RYR2: variants seen among roughly 807,000 people sequenced by gnomAD.
RYR2 encodes the protein cardiac muscle ryanodine receptor-calcium release channel.
RYR2 carries 227 observed loss-of-function variants against 601.1 expected under a neutral mutation model. The ratio of observed to expected loss-of-function variants is 0.38; its 90% CI spans 0.34 to 0.42. The LOEUF is 0.42. RYR2 is among the 10% of genes least tolerant of loss of function. RYR2 has a pLI of 1.00. For synonymous variants in RYR2, 2,223 were observed against 2,175.1 expected (o/e 1.02, Z -0.61); for missense variants, 4,646 against 6,156.5 (o/e 0.75, Z 8.21).
intron 80 of RYR2, among the ~76,000 whole-genome samples, chr1:237,746,486 G>A (rs1692088027): frequency 6.6e-6 from 1 of 151,968 alleles, no homozygotes; most frequent in Non-Finnish European, 1.5e-5. Context: ...CAAAAAACAT[G>A]GAAAACAAGG....
At chr1:237,267,572 A>C (rs559957935) in intron 1 of RYR2, 1 of 287,336 alleles carries the variant, frequency 3.5e-6, no homozygotes, top group South Asian at 2.6e-5. Context: ...TATATTTCTT[A>C]GGATCCATAT....
chr1:237,689,757 G>T (rs1178239938), intron 63 of RYR2, among the ~76,000 whole-genome samples: 1 of 151,458 alleles, frequency 6.6e-6, no homozygotes, highest in Non-Finnish European at 1.5e-5. Flanking sequence ...AATTTGCTTT[G>T]ATATTTGCCT....
chr1:237,741,376 A>G (rs1691590868), intron 79 of RYR2, among the ~76,000 whole-genome samples: 1 of 152,060 alleles, frequency 6.6e-6, no homozygotes, highest in Admixed American at 6.5e-5. Flanking sequence ...TTTGTAGCTT[A>G]TATTTCATTA....
rs79711829 is a variant in RYR2 at position 237,548,107 on chromosome 1, A to G, written c.2907-324A>G. ...TCTAAAATATTTCAATAAATAACCA[A>G]TATTTTGATTTAGACTATACAAAAG... is the stretch of plus-strand genomic sequence containing the variant. On this transcript the variant is annotated intron_variant, in intron 25 of 104. Coordinates refer to ENST00000366574, the MANE Select transcript of RYR2 (RefSeq NM_001035.3). Among the ~76,000 whole-genome samples, 2,057 of 152,328 alleles carry G rather than the reference A, an allele frequency of 0.014. 46 individuals carry two copies. Among genetic ancestry groups the G allele is most frequent in the African/African-American group, 0.046 (1,928 of 41,560 alleles).
intron 2 of RYR2, among the ~76,000 whole-genome samples, chr1:237,311,946 A>T (rs114910265): frequency 2.0e-5 from 3 of 152,188 alleles, no homozygotes; most frequent in Non-Finnish European, 2.9e-5. Flanking sequence ...AAATATTCTT[A>T]AAAAACATGT....
intron 1 of RYR2, among the ~76,000 whole-genome samples, chr1:237,052,112 A>G (rs550789783): frequency 6.6e-6 from 1 of 152,338 alleles, no homozygotes; most frequent in South Asian, 2.1e-4. Flanking sequence ...ACCTTAATGC[A>G]GTGTGTGTGA....
chr1:237,603,131 G>A (rs998925120), intron 35 of RYR2, among the ~76,000 whole-genome samples: 1 of 152,186 alleles, frequency 6.6e-6, no homozygotes, highest in Non-Finnish European at 1.5e-5. Flanking sequence ...TCTTAAGGTA[G>A]CCAAATGCCT....
At chr1:237,273,294 G>A (rs1030896501) in intron 2 of RYR2, among the ~76,000 whole-genome samples, 5 of 152,168 alleles carry the variant, frequency 3.3e-5, no homozygotes, top group South Asian at 2.1e-4. Context: ...TAATGCTGCT[G>A]ATGATCTCAC....
intron 5 of RYR2, among the ~76,000 whole-genome samples, chr1:237,366,968 T>C (rs772089847): frequency 3.3e-5 from 5 of 152,094 alleles, no homozygotes; most frequent in Non-Finnish European, 5.9e-5. Context: ...AAATGCATTA[T>C]AGAAAAAAAA....
chr1:237,749,939 A>G (rs529399382), intron 80 of RYR2, among the ~76,000 whole-genome samples: 14 of 152,286 alleles, frequency 9.2e-5, no homozygotes, highest in African/African-American at 3.4e-4. Context: ...TGAGGTCAGG[A>G]GTTCAAGACC....
chr1:237,177,593 T>C (rs1678199585), intron 1 of RYR2, among the ~76,000 whole-genome samples: 2 of 152,242 alleles, frequency 1.3e-5, no homozygotes, highest in South Asian at 4.1e-4. Context: ...AGCATTACAT[T>C]TCTAAAATTG....
chr1:237,820,917 C>G (rs192848512), intron 101 of RYR2, among the ~76,000 whole-genome samples: 2 of 152,226 alleles, frequency 1.3e-5, no homozygotes, highest in African/African-American at 4.8e-5. Context: ...GAAGTTCGAA[C>G]TGGGTGGAGC....
At chr1:237,329,194 T>G (rs1696467471) in intron 2 of RYR2, among the ~76,000 whole-genome samples, 1 of 152,204 alleles carries the variant, frequency 6.6e-6, no homozygotes, top group African/African-American at 2.4e-5. Context: ...TTTATTTTTA[T>G]TTTTTGAGAA....
At chr1:237,225,354 A>C (rs1684246739) in intron 1 of RYR2, among the ~76,000 whole-genome samples, 2 of 152,240 alleles carry the variant, frequency 1.3e-5, no homozygotes, top group South Asian at 4.1e-4. Context: ...TTTATAAAGA[A>C]AAGGAGGTTT....
rs1057346560 is a variant in RYR2 at position 237,106,017 on chromosome 1, G to T, written c.48+63448G>T. ...GTGTGCCTGGAGACTCTAAGGAACA[G>T]AGTGTGCAGCAGGACTGGGGCACAG... On this transcript the variant is annotated intron_variant, in intron 1 of 104. Coordinates refer to ENST00000366574, the MANE Select transcript of RYR2 (RefSeq NM_001035.3). This position sits in a 1 kb window ranked among gnomAD's most constrained non-coding sequence, Gnocchi z 4.4. 6.6e-6 allele frequency among the ~76,000 whole-genome samples: 1 copy of T among 152,090 alleles called. No homozygotes were observed. Among genetic ancestry groups the T allele is most frequent in the Non-Finnish European group, 1.5e-5 (1 of 68,002 alleles).
chr1:237,148,458 C>G (rs1421885509), intron 1 of RYR2, among the ~76,000 whole-genome samples: 2 of 149,004 alleles, frequency 1.3e-5, no homozygotes, highest in African/African-American at 5.0e-5. Context: ...CACCATGGCA[C>G]ATGTATACCT....
At chr1:237,271,071 T>C (rs1157404987) in intron 2 of RYR2, among the ~76,000 whole-genome samples, 3 of 152,076 alleles carry the variant, frequency 2.0e-5, no homozygotes, top group African/African-American at 7.2e-5. Context: ...TAGATGCAGT[T>C]CACATAGATA....
rs550759347 is a variant in RYR2, at chr1:237,663,291, C to T, written c.8436+2344C>T. 4.6e-5 allele frequency among the ~76,000 whole-genome samples: 7 copies of T among 152,174 alleles called. No homozygotes were observed. The South Asian group carries it at 1.5e-3, about 32-fold the overall frequency. On this transcript the variant is annotated intron_variant, in intron 56 of 104. Transcript: ENST00000366574. ...CGTCTTTTTTTATGTTACTGATTTC[C>T]TATGTGATTATAAAGCAATTTTCTA...
intron 1 of RYR2, among the ~76,000 whole-genome samples, chr1:237,236,224 C>T (rs1436087552): frequency 1.3e-5 from 2 of 152,150 alleles, no homozygotes; most frequent in African/African-American, 4.8e-5. Flanking sequence ...CTTGCTAGTT[C>T]CTGCATTGGC....
Sources: allele counts gnomAD v4.1 joint callset (sites outside exome capture counted in the v4.1 genomes callset), GRCh38; gene constraint gnomAD v4.1.1; non-coding constraint Gnocchi (gnomAD v3.1); transcripts MANE v1.5; gene names NCBI Gene and HGNC (gene_info 2026-07-23, HGNC 2026-07-21).